JDP2: variants seen among roughly 807,000 people sequenced by gnomAD.
The protein encoded by JDP2 is progesterone receptor co-activator.
In JDP2, 9 loss-of-function variants were observed where a neutral mutation model predicts 17.1. The observed-to-expected ratio is 0.53, with a 90% confidence interval of 0.32 to 0.92. The LOEUF (loss-of-function observed/expected upper bound fraction) is 0.92, where lower values mean the gene tolerates loss of function less well. JDP2 is among the 40% of genes least tolerant of loss of function. The pLI, the probability that JDP2 is intolerant of heterozygous loss-of-function variation, is 0.04. For missense variants in JDP2, 179 were observed against 220.0 expected (o/e 0.81, Z 1.18); for synonymous variants, 107 against 95.6 (o/e 1.12, Z -0.69).
intron 3 of JDP2, among the ~76,000 whole-genome samples, chr14:75,463,459 G>A (rs772638274): frequency 6.6e-6 from 1 of 152,006 alleles, no homozygotes. Flanking sequence ...AGGCGGTGTC[G>A]GCAGTGGGAT....
At position 75,474,036 on chromosome 14, in the gene JDP2, A is replaced by ACAT. The variant is rs1886865479; in HGVS notation, c.*4561_*4562insCAT. On this transcript the variant is annotated 3_prime_UTR_variant, in exon 4 of 4. Coordinates refer to ENST00000651602, the MANE Select transcript of JDP2 (RefSeq NM_001135048.2). Reference sequence around the variant, plus strand: ...TCAGAGGTGGGTGATGTGTGCACAGATGTGGGCTATCTTCTCCACACTCCT... The same window carrying ACAT: ...TCAGAGGTGGGTGATGTGTGCACAGACATTGTGGGCTATCTTCTCCACACTCCT... The ACAT allele has an allele frequency of 6.6e-6, 1 of 152,148 alleles. No homozygotes were observed. Among genetic ancestry groups the ACAT allele is most frequent in the African/African-American group, 2.4e-5 (1 of 41,422 alleles). The allele number at this position is 152,148 out of a possible 1,614,324, so 9.4% of individuals were successfully genotyped here.
At chr14:75,465,519 C>T (rs550267935) in intron 3 of JDP2, among the ~76,000 whole-genome samples, 57 of 152,178 alleles carry the variant, frequency 3.7e-4, no homozygotes, top group African/African-American at 1.3e-3. Flanking sequence ...TTGTAGAGAC[C>T]GGGGCTCCCT....
rs574946773 is a variant in JDP2 at position 75,472,329 on chromosome 14, T to C, written c.*2854T>C. The C allele has an allele frequency of 5.3e-4, 81 of 152,344 alleles. No individual in the cohort carries two copies. Among genetic ancestry groups the C allele is most frequent in the African/African-American group, 1.9e-3 (78 of 41,576 alleles). The allele number at this position is 152,344 out of a possible 1,614,324, so 9.4% of individuals were successfully genotyped here. A position where few individuals can be genotyped will look rare whatever the true frequency, so the allele number is the denominator to read the frequency against. On this transcript the variant is annotated 3_prime_UTR_variant, in exon 4 of 4. Coordinates refer to ENST00000651602, the MANE Select transcript of JDP2 (RefSeq NM_001135048.2). ...GGCAGAGCCAAGATGTTATTGTCAG[T>C]CTGACTTCAGGTGCATAAAACCTGA... is the stretch of plus-strand genomic sequence containing the variant.
intron 2 of JDP2, among the ~76,000 whole-genome samples, chr14:75,452,892 A>C (rs1359427565): frequency 6.6e-6 from 1 of 152,144 alleles, no homozygotes; most frequent in Non-Finnish European, 1.5e-5. Context: ...ACAGCTCAAT[A>C]TTTCACAGCT....
At chr14:75,446,461 A>G (rs528861519) in intron 2 of JDP2, among the ~76,000 whole-genome samples, 2 of 152,386 alleles carry the variant, frequency 1.3e-5, no homozygotes, top group South Asian at 4.1e-4. Context: ...ACAATGGATT[A>G]TTATTTAGCC....
chr14:75,443,208 A>G (rs1036736405), intron 2 of JDP2, among the ~76,000 whole-genome samples: 1 of 152,176 alleles, frequency 6.6e-6, no homozygotes, highest in African/African-American at 2.4e-5. Context: ...TTTGTTCATA[A>G]CAGAGACCAA....
chr14:75,440,725 C>T (rs967537919), intron 2 of JDP2, among the ~76,000 whole-genome samples: 6 of 152,202 alleles, frequency 3.9e-5, no homozygotes, highest in African/African-American at 4.8e-5. Context: ...CGATGGCTGC[C>T]GTTACAGCCG....
In JDP2 at chr14:75,430,300, C is replaced by T. The variant is rs2140028958; in HGVS notation, c.-24+2048C>T. 6.6e-6 allele frequency among the ~76,000 whole-genome samples: 1 copy of T among 152,338 alleles called. No individual in the cohort carries two copies. The highest frequency in any genetic ancestry group is 1.5e-5 in the Non-Finnish European group (1 of 68,034). On this transcript the variant is annotated intron_variant, in intron 1 of 3. Coordinates refer to ENST00000651602, the MANE Select transcript of JDP2 (RefSeq NM_001135048.2). The surrounding 1 kb of genome is among the most constrained non-coding windows in gnomAD (Gnocchi z 4.5). The stretch of plus-strand genomic sequence containing the variant: ...GGAAAGAAAGGGGCCAACGCCGACT[C>T]TAGGCCGGCCTGCTCTGTATTCATT...
chr14:75,462,658 C>T (rs1318018558), intron 3 of JDP2, among the ~76,000 whole-genome samples: 1 of 152,152 alleles, frequency 6.6e-6, no homozygotes, highest in African/African-American at 2.4e-5. Flanking sequence ...GTTGGGTACA[C>T]TGGGGGCACA....
chr14:75,429,501 AACTGCATTCGCGTATCATCTC>A (rs1884691189), intron 1 of JDP2, among the ~76,000 whole-genome samples: 5 of 152,082 alleles, frequency 3.3e-5, no homozygotes, highest in African/African-American at 1.2e-4. Flanking sequence ...CCTTGGTAGA[AACTGCATTCGCGTATCATCTC>A]CCTTCCCCCC....
At chr14:75,435,360 A>G (rs780819101) in intron 1 of JDP2, among the ~76,000 whole-genome samples, 1 of 152,192 alleles carries the variant, frequency 6.6e-6, no homozygotes, top group Non-Finnish European at 1.5e-5. Context: ...CTGGGCTCCC[A>G]TGCAGGCTAC....
At chr14:75,436,844 T>C (rs1257422254) in intron 1 of JDP2, among the ~76,000 whole-genome samples, 2 of 152,240 alleles carry the variant, frequency 1.3e-5, no homozygotes, top group Non-Finnish European at 1.5e-5. Flanking sequence ...TGTCTTCCCT[T>C]GTACACCTTT....
chr14:75,433,749 T>G (rs1884929435), intron 1 of JDP2, among the ~76,000 whole-genome samples: 1 of 152,058 alleles, frequency 6.6e-6, no homozygotes, highest in Non-Finnish European at 1.5e-5. Flanking sequence ...CAGCTTTCCT[T>G]CATTGGCTGG....
At chr14:75,449,732 A>G (rs1480068095) in intron 2 of JDP2, among the ~76,000 whole-genome samples, 1 of 152,238 alleles carries the variant, frequency 6.6e-6, no homozygotes, top group Non-Finnish European at 1.5e-5. Flanking sequence ...GCTCTTCTCT[A>G]GCAAAAGGAT....
Position 75,430,923 on chromosome 14 carries a change from C to T in JDP2, c.-24+2671C>T, listed in dbSNP as rs1884767755. ...TTACTTATTGCTGGCTGTGGGAGGC[C>T]TGGCCAGAGCCCACCATTCTTAGTT... On this transcript the variant is annotated intron_variant, in intron 1 of 3. Coordinates refer to ENST00000651602, the MANE Select transcript of JDP2 (RefSeq NM_001135048.2). The surrounding 1 kb of genome is among the most constrained non-coding windows in gnomAD (Gnocchi z 4.5). 6.6e-6 allele frequency among the ~76,000 whole-genome samples: 1 copy of T among 152,168 alleles called. No individual in the cohort carries two copies. Among genetic ancestry groups the T allele is most frequent in the African/African-American group, 2.4e-5 (1 of 41,434 alleles).
At chr14:75,462,434 CTGTA>C (rs1407781315) in intron 3 of JDP2, among the ~76,000 whole-genome samples, 1 of 152,162 alleles carries the variant, frequency 6.6e-6, no homozygotes, top group Non-Finnish European at 1.5e-5. Context: ...GTGCTGAATG[CTGTA>C]TGTACATTAT....
intron 1 of JDP2, among the ~76,000 whole-genome samples, chr14:75,435,830 G>C (rs774624545): frequency 6.6e-6 from 1 of 152,176 alleles, no homozygotes; most frequent in Non-Finnish European, 1.5e-5. Context: ...AGAGGACCGG[G>C]TATGGGAGGC....
At chr14:75,438,365 GTTT>G (rs1885176603) in intron 2 of JDP2, among the ~76,000 whole-genome samples, 1 of 152,146 alleles carries the variant, frequency 6.6e-6, no homozygotes, top group Non-Finnish European at 1.5e-5. Context: ...AGGGGAGGAT[GTTT>G]AACCTGTCTC....
intron 3 of JDP2, among the ~76,000 whole-genome samples, chr14:75,461,773 G>A (rs539713217): frequency 6.6e-6 from 1 of 152,174 alleles, no homozygotes; most frequent in African/African-American, 2.4e-5. Flanking sequence ...AAGAAGGAAG[G>A]AGGAGCCAAA....
Sources: gnomAD v4.1 joint callset for allele counts (sites outside exome capture counted in the v4.1 genomes callset) on GRCh38, gnomAD v4.1.1 for gene constraint, Gnocchi (gnomAD v3.1) non-coding constraint, MANE v1.5 for transcripts, NCBI Gene and HGNC (gene_info 2026-07-23, HGNC 2026-07-21) for gene names.